SGCG: variants seen among roughly 807,000 people sequenced by gnomAD.
SGCG encodes gamma-sarcoglycan.
A neutral mutation model predicts 29.3 loss-of-function variants in SGCG; 26 were observed. The observed-to-expected ratio is 0.89, with a 90% CI of 0.65 to 1.23. The LOEUF (loss-of-function observed/expected upper bound fraction) is 1.23. Among genes scored for constraint, SGCG ranks in the 50% most tolerant of loss-of-function variants. SGCG has a pLI of 0.00. For synonymous variants in SGCG, 145 were observed against 129.7 expected, an observed-to-expected ratio of 1.12 and a Z score of -0.80; for missense variants, 353 against 356.0, an observed-to-expected ratio of 0.99 and a Z score of 0.07.
chr13:23,228,712 A>T (rs138368849), intron 2 of SGCG, among the ~76,000 whole-genome samples: 214 of 152,284 alleles, frequency 1.4e-3, no homozygotes, highest in Middle Eastern at 0.01. Flanking sequence ...AAGTGAGAGC[A>T]TGCAGTATTT....
rs55873099 is a variant in SGCG, at chr13:23,275,120, A to AATATATATATATAT, written c.386-4229_386-4216dup. Among the ~76,000 whole-genome samples the AATATATATATATAT allele has an allele frequency of 9.9e-3, 1,281 of 129,810 alleles. 42 individuals carry two copies. Among genetic ancestry groups the AATATATATATATAT allele is most frequent in the Non-Finnish European group, 0.013 (785 of 59,706 alleles). 85.2% of individuals were successfully genotyped at this position (129,810 alleles called of 152,430 possible). A position where few individuals can be genotyped will look rare whatever the true frequency, so the allele number is the denominator to read the frequency against. On this transcript the variant is annotated intron_variant, in intron 4 of 7. Transcript: ENST00000218867. ...GGTAGGATAGTGTTCTAATGGATGG[A>AATATATATATATAT]ATATATATATATATATATATATAGA...
At chr13:23,264,338 CA>C (rs145913788) in intron 4 of SGCG, among the ~76,000 whole-genome samples, 51 of 145,824 alleles carry the variant, frequency 3.5e-4, no homozygotes, top group Middle Eastern at 3.5e-3. Flanking sequence ...ACAATGGTTA[CA>C]AAAAAAAAAT....
At chr13:23,251,577 GAT>G (rs1221454201) in intron 4 of SGCG, among the ~76,000 whole-genome samples, 2 of 152,066 alleles carry the variant, frequency 1.3e-5, no homozygotes, top group Non-Finnish European at 2.9e-5. Flanking sequence ...GAATCTAGGT[GAT>G]CAAGATCAGC....
chr13:23,294,035 C>A (rs747338448), intron 5 of SGCG, among the ~76,000 whole-genome samples: 1 of 152,174 alleles, frequency 6.6e-6, no homozygotes, highest in Non-Finnish European at 1.5e-5. Flanking sequence ...GGCTTGCCTT[C>A]TACAAAGCCA....
At chr13:23,186,197 GCC>G (rs1259927284) in intron 1 of SGCG, among the ~76,000 whole-genome samples, 1 of 152,184 alleles carries the variant, frequency 6.6e-6, no homozygotes, top group East Asian at 1.9e-4. Context: ...AAGGGTCTTA[GCC>G]TTGGTCACCA....
intron 2 of SGCG, among the ~76,000 whole-genome samples, chr13:23,224,654 CAG>C (rs1274959503): frequency 1.5e-5 from 1 of 67,566 alleles, no homozygotes; most frequent in Non-Finnish European, 2.9e-5. Context: ...CAACCCCAAA[CAG>C]GGCACACATA....
intron 4 of SGCG, among the ~76,000 whole-genome samples, chr13:23,257,312 C>T (rs1256152646): frequency 6.6e-6 from 1 of 152,032 alleles, no homozygotes; most frequent in Non-Finnish European, 1.5e-5. Flanking sequence ...GCAAAACATG[C>T]AAGTTTGTTA....
intron 6 of SGCG, among the ~76,000 whole-genome samples, chr13:23,305,645 T>C (rs527300876): frequency 6.6e-6 from 1 of 152,368 alleles, no homozygotes; most frequent in Non-Finnish European, 1.5e-5. Context: ...TTAACCAAAA[T>C]GATGTGAATG....
intron 4 of SGCG, among the ~76,000 whole-genome samples, chr13:23,274,659 T>G (rs1239801724): frequency 8.5e-5 from 13 of 152,120 alleles, no homozygotes; most frequent in Admixed American, 7.2e-4. Context: ...CCTGACCTCG[T>G]GATCCACCGG....
intron 1 of SGCG, among the ~76,000 whole-genome samples, chr13:23,199,190 A>G (rs1409128688): frequency 6.6e-6 from 1 of 152,216 alleles, no homozygotes; most frequent in Non-Finnish European, 1.5e-5. Context: ...TTAATGACAA[A>G]ATTTGTTTTA....
At chr13:23,315,040 A>T (rs1027170130) in intron 6 of SGCG, among the ~76,000 whole-genome samples, 11 of 152,338 alleles carry the variant, frequency 7.2e-5, no homozygotes, top group Admixed American at 1.3e-4. Flanking sequence ...GACTCAGCAG[A>T]TCCAATGGTG....
Position 23,202,580 on chromosome 13 carries a change from T to C in SGCG, c.1-1115T>C, listed in dbSNP as rs367690292. Among the ~76,000 whole-genome samples the C allele has an allele frequency of 3.3e-3, 507 of 152,300 alleles. 2 individuals carry two copies. Among genetic ancestry groups the C allele is most frequent in the African/African-American group, 0.012 (478 of 41,554 alleles). On this transcript the variant is annotated intron_variant, in intron 1 of 7. Coordinates refer to ENST00000218867, the MANE Select transcript of SGCG (RefSeq NM_000231.3). The stretch of plus-strand genomic sequence containing the variant: ...CAAAGAAATGAGTCAATGAATAATG[T>C]GCTTACGAAATCATTAAACATTTAG...
chr13:23,190,564 A>G (rs1290827008), intron 1 of SGCG, among the ~76,000 whole-genome samples: 1 of 152,202 alleles, frequency 6.6e-6, no homozygotes, highest in South Asian at 2.1e-4. Flanking sequence ...TCACAATTAC[A>G]AAGTTAACTG....
intron 6 of SGCG, among the ~76,000 whole-genome samples, chr13:23,306,604 C>T (rs757258364): frequency 1.3e-5 from 2 of 152,118 alleles, no homozygotes; most frequent in African/African-American, 2.4e-5. Context: ...TAACACTGTT[C>T]GCATAATCAC....
At chr13:23,213,102 C>A (rs1200036886) in intron 2 of SGCG, among the ~76,000 whole-genome samples, 4 of 152,126 alleles carry the variant, frequency 2.6e-5, no homozygotes, top group Non-Finnish European at 5.9e-5. Context: ...GCAGTGGTCT[C>A]ACTGGCAAAG....
At chr13:23,161,673 AGT>A in the SGCG span, among the ~76,000 whole-genome samples, 1 of 152,262 alleles carries the variant, frequency 6.6e-6, no homozygotes, top group Non-Finnish European at 1.5e-5. Flanking sequence ...TAACAGGTTC[AGT>A]GTCTCTGGTA....
intron 3 of SGCG, among the ~76,000 whole-genome samples, chr13:23,248,882 T>C (rs1194312428): frequency 6.6e-6 from 1 of 150,378 alleles, no homozygotes; most frequent in Non-Finnish European, 1.5e-5. Flanking sequence ...TCCCACCTAC[T>C]TGGGAGGCTG....
intron 5 of SGCG, among the ~76,000 whole-genome samples, chr13:23,280,456 C>T (rs1881265929): frequency 6.6e-6 from 1 of 152,134 alleles, no homozygotes; most frequent in South Asian, 2.1e-4. Context: ...ATTACAGGCC[C>T]TAACAAACTA....
At chr13:23,297,395 C>T (rs866980436) in intron 6 of SGCG, among the ~76,000 whole-genome samples, 4 of 152,028 alleles carry the variant, frequency 2.6e-5, no homozygotes, top group African/African-American at 4.8e-5. Context: ...CTGACAGCCC[C>T]GAACAGAGAT....
Sources: allele counts gnomAD v4.1 joint callset (sites outside exome capture counted in the v4.1 genomes callset), GRCh38; gene constraint gnomAD v4.1.1; transcripts MANE v1.5; gene names NCBI Gene and HGNC (gene_info 2026-07-23, HGNC 2026-07-21).